Variants in USP10 observed in about 807,000 individuals in gnomAD.
The protein encoded by USP10 is ubiquitin carboxyl-terminal hydrolase 10.
Under a neutral mutation model 84.5 loss-of-function variants are expected in USP10, and 22 were observed. The ratio of observed to expected loss-of-function variants is 0.26; its 90% confidence interval spans 0.19 to 0.37. USP10 has a LOEUF of 0.37. Ranked by LOEUF, USP10 falls within the 10% of genes least tolerant of loss-of-function variation. USP10 has a pLI of 1.00. For missense variants in USP10, 1,019 were observed against 998.9 expected (o/e 1.02, Z -0.27); for synonymous variants, 454 against 387.6 (o/e 1.17, Z -2.01).
chr16:84,769,794 T>C (rs1052321939), intron 11 of USP10, among the ~76,000 whole-genome samples: 1 of 152,174 alleles, frequency 6.6e-6, no homozygotes, highest in Non-Finnish European at 1.5e-5. Flanking sequence ...TCTCTTTTGC[T>C]TCTGCTGCAA....
At chr16:84,768,997 G>A (rs1914150811) in intron 11 of USP10, among the ~76,000 whole-genome samples, 1 of 152,174 alleles carries the variant, frequency 6.6e-6, no homozygotes, top group African/African-American at 2.4e-5. Context: ...GTTCCTGGCT[G>A]TCCAGATGTG....
rs765078012 is a variant in USP10, at chr16:84,745,196, G to T, written c.715G>T (p.Ala239Ser). 111 of 1,613,236 alleles carry T rather than the reference G, an allele frequency of 6.9e-5. No homozygotes were observed. The highest frequency in any genetic ancestry group is 9.2e-5 in the Non-Finnish European group (108 of 1,179,628). Residue 239 changes from alanine (A) to serine (S), a missense_variant, in exon 4 of 14, where the codon GCA (alanine) becomes TCA (serine). Ala to Ser is a moderately conservative substitution (Grantham distance 99). This residue lies in a region of USP10 where 787 missense variants were observed against 708.8 expected (regional missense o/e 1.11). Transcript: ENST00000219473. ...PGALGSDTRT[A>S]GQPEGGPGAD... ...AGCACTCGGCAGTGACACCAGGACT[G>T]CAGGGCAGCCAGAGGGGGGCCCCGG...
chr16:84,704,962 T>C, intron 1 of USP10: 3 of 1,497,742 alleles, frequency 2.0e-6, no homozygotes, highest in Non-Finnish European at 1.8e-6. Flanking sequence ...AATGTGCATG[T>C]GGAGTGCGGG....
At chr16:84,702,395 T>C (rs1905001134) in intron 1 of USP10, among the ~76,000 whole-genome samples, 1 of 152,130 alleles carries the variant, frequency 6.6e-6, no homozygotes, top group Non-Finnish European at 1.5e-5. Context: ...AGAATAGTAA[T>C]GCAAACAAGT....
At chr16:84,764,031 T>A (rs3213810) in intron 9 of USP10, 55 bp from the exon 10 acceptor site, 627,574 of 1,517,874 alleles carry the variant, frequency 0.41, 138,473 homozygotes, top group African/African-American at 0.51. Flanking sequence ...GTGCCTTTTT[T>A]TTTTTTGCTG....
intron 1 of USP10, among the ~76,000 whole-genome samples, chr16:84,728,330 A>G (rs1176971383): frequency 4.0e-5 from 6 of 150,662 alleles, no homozygotes; most frequent in Non-Finnish European, 2.9e-5. Context: ...TAATTGAAAT[A>G]TATTGAATAA....
intron 1 of USP10, among the ~76,000 whole-genome samples, chr16:84,731,552 T>G (rs928426690): frequency 2.6e-5 from 4 of 152,184 alleles, no homozygotes; most frequent in African/African-American, 9.7e-5. Flanking sequence ...ACAGAAAGTG[T>G]TCTTTCTCTT....
intron 1 of USP10, among the ~76,000 whole-genome samples, chr16:84,723,177 A>G (rs1332976295): frequency 2.1e-5 from 3 of 146,334 alleles, no homozygotes; most frequent in African/African-American, 5.0e-5. Flanking sequence ...TTTCCCCCTT[A>G]TACACTTAAG....
At chr16:84,766,537 A>C (rs1218262663) in intron 10 of USP10, among the ~76,000 whole-genome samples, 2 of 152,240 alleles carry the variant, frequency 1.3e-5, no homozygotes, top group Non-Finnish European at 2.9e-5. Flanking sequence ...TCGGGATGGG[A>C]GAGAAAGATG....
chr16:84,718,650 G>A (rs551280065), intron 1 of USP10, among the ~76,000 whole-genome samples: 1 of 151,938 alleles, frequency 6.6e-6, no homozygotes, highest in South Asian at 2.1e-4. Flanking sequence ...CCAGCTACTC[G>A]GAGGCTGAGG....
In USP10 at chr16:84,744,997, C is replaced by T; in HGVS notation, c.516C>T (p.Ser172=). ...AAGATGGTGGCGATGATAGTATCTCCACAGAAGCCCTGGTCAATGGCCATG... is the reference window on the plus strand; with the variant it reads ...AAGATGGTGGCGATGATAGTATCTCTACAGAAGCCCTGGTCAATGGCCATG... ...YLKDGGDDSI[S]TEALVNGHAN... The change falls in exon 4 of 14, where the codon TCC becomes TCT. Residue 172 remains serine (S), a synonymous_variant. Coordinates refer to ENST00000219473, the MANE Select transcript of USP10 (RefSeq NM_005153.3). 2 of 1,613,798 alleles carry T rather than the reference C, an allele frequency of 1.2e-6. No homozygotes were observed. The highest frequency in any genetic ancestry group is 1.7e-6 in the Non-Finnish European group (2 of 1,179,722).
chr16:84,750,177 G>A (rs1054285858), intron 4 of USP10, among the ~76,000 whole-genome samples: 2 of 152,140 alleles, frequency 1.3e-5, no homozygotes, highest in South Asian at 2.1e-4. Context: ...GGAGGTTGAG[G>A]TGGGTGGATC....
At chr16:84,748,334 C>T (rs1479603672) in intron 4 of USP10, among the ~76,000 whole-genome samples, 1 of 151,932 alleles carries the variant, frequency 6.6e-6, no homozygotes, top group Non-Finnish European at 1.5e-5. Flanking sequence ...GAGGGGGTCT[C>T]ACTCTGTCGC....
intron 1 of USP10, among the ~76,000 whole-genome samples, chr16:84,729,372 G>A (rs1020559790): frequency 1.3e-5 from 2 of 152,124 alleles, no homozygotes; most frequent in Admixed American, 6.5e-5. Flanking sequence ...TTGTGATATC[G>A]ATGACTTGTC....
chr16:84,711,866 C>T (rs537333543), intron 1 of USP10, among the ~76,000 whole-genome samples: 24 of 151,962 alleles, frequency 1.6e-4, no homozygotes, highest in South Asian at 4.2e-4. Context: ...ATTACAGGTG[C>T]GTGCCACCAT....
At chr16:84,714,492 C>G (rs1042601893) in intron 1 of USP10, among the ~76,000 whole-genome samples, 1 of 151,824 alleles carries the variant, frequency 6.6e-6, no homozygotes, top group African/African-American at 2.4e-5. Context: ...CTTTGCATTT[C>G]TTATATTGTT....
At chr16:84,718,804 T>C (rs1268768622) in intron 1 of USP10, among the ~76,000 whole-genome samples, 1 of 151,970 alleles carries the variant, frequency 6.6e-6, no homozygotes, top group East Asian at 1.9e-4. Context: ...TTGTTGTTGT[T>C]GTTTTTGAGA....
chr16:84,731,690 A>G (rs1909257114), intron 1 of USP10, among the ~76,000 whole-genome samples: 1 of 152,150 alleles, frequency 6.6e-6, no homozygotes, highest in African/African-American at 2.4e-5. Context: ...TGATTTTGCT[A>G]TTAAGACGTT....
At chr16:84,756,311 A>G (rs1263318546) in intron 4 of USP10, among the ~76,000 whole-genome samples, 1 of 152,218 alleles carries the variant, frequency 6.6e-6, no homozygotes, top group Non-Finnish European at 1.5e-5. Context: ...CAAAGGTTTC[A>G]GCCACACACC....
Sources: gnomAD v4.1 joint callset for allele counts (sites outside exome capture counted in the v4.1 genomes callset) on GRCh38, gnomAD v4.1.1 for gene constraint, gnomAD v4.1.1 regional missense constraint, MANE v1.5 for transcripts, NCBI Gene and HGNC (gene_info 2026-07-23, HGNC 2026-07-21) for gene names.